RIMKLB: variants seen among roughly 807,000 people sequenced by gnomAD.
RIMKLB encodes the protein beta-citrylglutamate synthase B.
A neutral mutation model predicts 32.0 loss-of-function variants in RIMKLB; 7 were observed. The observed-to-expected ratio is 0.22, with a 90% confidence interval of 0.12 to 0.41. The LOEUF (loss-of-function observed/expected upper bound fraction) is 0.41, where lower values mean the gene tolerates loss of function less well. Among genes scored for constraint, RIMKLB ranks in the 10% least tolerant of loss-of-function variants. The probability of loss-of-function intolerance (pLI) is 1.00; values close to 1 mark genes in which losing one functional copy is unlikely to be tolerated. For synonymous variants in RIMKLB, 172 were observed against 185.1 expected (o/e 0.93, Z 0.57); for missense variants, 289 against 498.7 (o/e 0.58, Z 4.00).
chr12:8,690,746 AACCCCCTCTC>A (rs1942708731), intron 1 of RIMKLB, among the ~76,000 whole-genome samples: 1 of 152,106 alleles, frequency 6.6e-6, no homozygotes, highest in South Asian at 2.1e-4. Context: ...AACATGGTGA[AACCCCCTCTC>A]TCCTAAAAAT....
In RIMKLB at chr12:8,724,265, G is replaced by T. The variant is rs115815074; in HGVS notation, c.175+10224G>T. Among the ~76,000 whole-genome samples, 1,181 of 152,232 alleles carry T rather than the reference G, an allele frequency of 7.8e-3. 16 individuals are homozygous for T. Among genetic ancestry groups the T allele is most frequent in the African/African-American group, 0.027 (1,128 of 41,540 alleles). ...CTGTAAAATTCGTTTGATTTTTAAAGATGATTCTCTTTGTTGAACATCTCA... is the reference window on the plus strand; with the variant it reads ...CTGTAAAATTCGTTTGATTTTTAAATATGATTCTCTTTGTTGAACATCTCA... On this transcript the variant is annotated intron_variant, in intron 2 of 5. Coordinates refer to ENST00000535829, the MANE Select transcript of RIMKLB (RefSeq NM_001297776.2).
intron 5 of RIMKLB, among the ~76,000 whole-genome samples, chr12:8,767,527 T>C (rs1418202036): frequency 2.0e-5 from 3 of 152,208 alleles, no homozygotes; most frequent in Non-Finnish European, 4.4e-5. Context: ...AGGAGAATTT[T>C]GGGCTACACT....
rs999231531 is a variant in RIMKLB, at chr12:8,776,879, T to C, written c.*3095T>C. 23 of 985,734 alleles carry C rather than the reference T, an allele frequency of 2.3e-5. No individual in the cohort carries two copies. Among genetic ancestry groups the C allele is most frequent in the Middle Eastern group, 5.2e-4 (1 of 1,936 alleles). 61.1% of individuals were successfully genotyped at this position (985,734 alleles called of 1,614,324 possible). A position where few individuals can be genotyped will look rare whatever the true frequency, so the allele number is the denominator to read the frequency against. On this transcript the variant is annotated 3_prime_UTR_variant, in exon 6 of 6. Transcript: ENST00000535829. ...ATTGACTTTGAAAATCATCTCTTTT[T>C]CTCAAGAAGAAAGCAATGGAGAAGC...
At chr12:8,700,122 T>C (rs1591629115) in intron 1 of RIMKLB, 1 of 152,200 alleles carries the variant, frequency 6.6e-6, no homozygotes, top group East Asian at 1.9e-4. Context: ...TTTTCCCTTG[T>C]CATTCAGGCC....
intron 3 of RIMKLB, 81 bp from the exon 4 acceptor site, chr12:8,751,876 G>A (rs1331744311): frequency 2.3e-6 from 2 of 875,926 alleles, no homozygotes; most frequent in African/African-American, 1.7e-5. Context: ...TTGTGCTGTT[G>A]GTTGTCTTTA....
At chr12:8,739,930 C>T (rs1453580548) in intron 2 of RIMKLB, among the ~76,000 whole-genome samples, 1 of 152,016 alleles carries the variant, frequency 6.6e-6, no homozygotes, top group Non-Finnish European at 1.5e-5. Flanking sequence ...TTTTCCCAGA[C>T]AGGGTCTCGC....
At position 8,775,956 on chromosome 12, in the gene RIMKLB, A is replaced by T. The variant is rs117662233; in HGVS notation, c.*2172A>T. Reference sequence around the variant, plus strand: ...TTGGTACTTCTTTCGCTGAATGACCATACTGTGGAGGATGCATACTATTTG... The same window carrying T: ...TTGGTACTTCTTTCGCTGAATGACCTTACTGTGGAGGATGCATACTATTTG... On this transcript the variant is annotated 3_prime_UTR_variant, in exon 6 of 6. Coordinates refer to ENST00000535829, the MANE Select transcript of RIMKLB (RefSeq NM_001297776.2). 1.0e-6 allele frequency: 1 copy of T among 984,018 alleles called. No individual in the cohort carries two copies. Among genetic ancestry groups the T allele is most frequent in the South Asian group, 4.7e-5 (1 of 21,270 alleles). 61.0% of individuals were successfully genotyped at this position (984,018 alleles called of 1,614,324 possible). A position where few individuals can be genotyped will look rare whatever the true frequency, so the allele number is the denominator to read the frequency against.
downstream of RIMKLB, among the ~76,000 whole-genome samples, chr12:8,781,395 G>C (rs777834748): frequency 6.6e-6 from 1 of 152,234 alleles, no homozygotes; most frequent in African/African-American, 2.4e-5. Flanking sequence ...TGGGAGCTTT[G>C]GGAGATAACA....
intron 1 of RIMKLB, among the ~76,000 whole-genome samples, chr12:8,713,054 C>T (rs1565563364): frequency 6.6e-6 from 1 of 152,014 alleles, no homozygotes; most frequent in Non-Finnish European, 1.5e-5. Flanking sequence ...AAAAAAAGTC[C>T]TTTTTTGCAT....
chr12:8,761,886 A>G, intron 5 of RIMKLB, among the ~76,000 whole-genome samples: 1 of 152,150 alleles, frequency 6.6e-6, no homozygotes, highest in East Asian at 1.9e-4. Flanking sequence ...TGTCATTAAC[A>G]TCGGAGCATG....
chr12:8,731,479 A>G (rs993588325), intron 2 of RIMKLB, among the ~76,000 whole-genome samples: 4 of 151,734 alleles, frequency 2.6e-5, no homozygotes, highest in Non-Finnish European at 5.9e-5. Flanking sequence ...ATGTTAGGCA[A>G]GGAGGGGATG....
chr12:8,703,283 C>A (rs1364015468), intron 1 of RIMKLB, among the ~76,000 whole-genome samples: 1 of 149,776 alleles, frequency 6.7e-6, no homozygotes, highest in African/African-American at 2.5e-5. Flanking sequence ...GACTCCCTCT[C>A]AAAAAAAAGA....
At chr12:8,683,256 C>T (rs1296401211) in intron 1 of RIMKLB, among the ~76,000 whole-genome samples, 1 of 152,190 alleles carries the variant, frequency 6.6e-6, no homozygotes, top group Non-Finnish European at 1.5e-5. Context: ...ACTAAGTTTC[C>T]TCTCCTATGG....
At chr12:8,678,757 G>A (rs1458229861), upstream of RIMKLB, 2 of 152,214 alleles carry the variant, frequency 1.3e-5, no homozygotes, top group African/African-American at 4.8e-5. Context: ...TTCAAGTTCT[G>A]TCTTGCATTT....
At chr12:8,682,539 G>A (rs1942437265) in intron 1 of RIMKLB, among the ~76,000 whole-genome samples, 2 of 152,024 alleles carry the variant, frequency 1.3e-5, no homozygotes, top group South Asian at 2.1e-4. Context: ...TTGGGAGGCC[G>A]AGGCGGGCGG....
intron 2 of RIMKLB, among the ~76,000 whole-genome samples, chr12:8,730,170 C>A (rs1347551456): frequency 6.6e-6 from 1 of 152,188 alleles, no homozygotes; most frequent in Non-Finnish European, 1.5e-5. Context: ...ACTGCAGCCT[C>A]CAACCCCTAG....
intron 2 of RIMKLB, among the ~76,000 whole-genome samples, chr12:8,726,415 T>G (rs1946012490): frequency 6.6e-6 from 1 of 152,238 alleles, no homozygotes; most frequent in Non-Finnish European, 1.5e-5. Context: ...TGTTGAATTC[T>G]AAGATCCCTT....
chr12:8,729,872 A>G lies in RIMKLB; in HGVS notation c.175+15831A>G, dbSNP rs115475036. 2.3e-3 allele frequency among the ~76,000 whole-genome samples: 355 copies of G among 152,320 alleles called. 4 individuals are homozygous for G. Among genetic ancestry groups the G allele is most frequent in the African/African-American group, 8.3e-3 (343 of 41,562 alleles). On this transcript the variant is annotated intron_variant, in intron 2 of 5. Coordinates refer to ENST00000535829, the MANE Select transcript of RIMKLB (RefSeq NM_001297776.2). Reference sequence around the variant, plus strand: ...CCACATCTTTGTCAACTTCTGTTTTATAATAGCCATCCTAATGGGTTATCC... The same window carrying G: ...CCACATCTTTGTCAACTTCTGTTTTGTAATAGCCATCCTAATGGGTTATCC...
intron 2 of RIMKLB, among the ~76,000 whole-genome samples, chr12:8,737,405 G>T (rs1947108153): frequency 6.6e-6 from 1 of 152,056 alleles, no homozygotes; most frequent in Non-Finnish European, 1.5e-5. Flanking sequence ...TAAGTGAAAT[G>T]CTGTACTTCA....
Sources: allele counts gnomAD v4.1 joint callset (sites outside exome capture counted in the v4.1 genomes callset), GRCh38; gene constraint gnomAD v4.1.1; transcripts MANE v1.5; gene names NCBI Gene and HGNC (gene_info 2026-07-23, HGNC 2026-07-21).